The following PES1 variants were observed in gnomAD, a reference collection of about 807,000 sequenced individuals.
PES1 encodes pescadillo ribosomal biogenesis factor 1.
In PES1, 31 loss-of-function variants were observed where a neutral mutation model predicts 77.1. The observed-to-expected ratio is 0.40, with a 90% CI of 0.30 to 0.54. PES1 has a LOEUF of 0.54. Ranked by LOEUF, PES1 falls within the 20% of genes least tolerant of loss-of-function variation. The pLI, the probability that PES1 is intolerant of heterozygous loss-of-function variation, is 0.45. For missense variants in PES1, 658 were observed against 771.7 expected (o/e 0.85, Z 1.75); for synonymous variants, 282 against 303.0 (o/e 0.93, Z 0.72).
At chr22:30,598,160 ACTTTT>A (rs1361449992) in intron 2 of PES1, 2 of 152,060 alleles carry the variant, frequency 1.3e-5, no homozygotes, top group Admixed American at 1.3e-4. Flanking sequence ...ACTGCTGCTC[ACTTTT>A]TGGGTGTACA....
chr22:30,577,217 C>A, intron 14 of PES1, 88 bp from the exon 15 acceptor site: 1 of 1,124,818 alleles, frequency 8.9e-7, no homozygotes, highest in Non-Finnish European at 1.3e-6. Context: ...CCCTTAAAAG[C>A]AGAGCTTCAA....
In PES1 at chr22:30,588,141, A is replaced by T; in HGVS notation, c.138T>A (p.His46Gln). ...RLCILKGIYP[H>Q]EPKHKKKVNK... is the part of the protein sequence containing the mutation. ...TAACCTTCTTCTTGTGTTTGGGTTC[A>T]TGGGGATAAATGCCCTTCAGAATGC... Residue 46 changes from histidine to glutamine, a missense_variant, in exon 3 of 15, where the codon CAT becomes CAA. Coordinates refer to ENST00000354694, the MANE Select transcript of PES1 (RefSeq NM_014303.4). 6.2e-7 allele frequency: 1 copy of T among 1,614,202 alleles called. No homozygotes were observed. The highest frequency in any genetic ancestry group is 1.1e-5 in the South Asian group (1 of 91,086).
At chr22:30,597,289 T>G (rs2146490114) in intron 2 of PES1, among the ~76,000 whole-genome samples, 1 of 152,038 alleles carries the variant, frequency 6.6e-6, no homozygotes, top group South Asian at 2.1e-4. Context: ...CCACCTGTCC[T>G]GCCAGTATGA....
At chr22:30,600,628 AAC>A (rs2087340416) in intron 2 of PES1, among the ~76,000 whole-genome samples, 1 of 152,146 alleles carries the variant, frequency 6.6e-6, no homozygotes, top group Admixed American at 6.6e-5. Context: ...CATCCTGGCT[AAC>A]ACGGTGAAAC....
At chr22:30,597,716 C>T (rs1054390744) in intron 2 of PES1, among the ~76,000 whole-genome samples, 1 of 151,682 alleles carries the variant, frequency 6.6e-6, no homozygotes, top group African/African-American at 2.4e-5. Flanking sequence ...CAATCAGCAC[C>T]CTGTCAAAAC....
At chr22:30,603,493 C>T (rs1000738285) in intron 2 of PES1, among the ~76,000 whole-genome samples, 2 of 151,734 alleles carry the variant, frequency 1.3e-5, no homozygotes, top group Admixed American at 6.6e-5. Flanking sequence ...GCAATTCTCC[C>T]GCCTCAACCT....
chr22:30,587,357 G>T lies in PES1; in HGVS notation c.297C>A (p.Ser99Arg). 2 of 1,613,984 alleles carry T rather than the reference G, an allele frequency of 1.2e-6. No individual in the cohort carries two copies. The highest frequency in any genetic ancestry group is 1.7e-6 in the Non-Finnish European group (2 of 1,179,926). The change falls in exon 4 of 15, where the codon AGC (serine) becomes AGA (arginine). Residue 99 changes from serine (S) to arginine (R), a missense_variant. Coordinates refer to ENST00000354694, the MANE Select transcript of PES1 (RefSeq NM_014303.4). ...TTAAACGCTCTACAGTGTTCCACTC[G>T]CTCTTCCCATAAGCCTTCCGGAGCT... ...VRKLRKAYGKSEWNTVERLKD... is the reference protein window; with the variant it reads ...VRKLRKAYGKREWNTVERLKD...
At chr22:30,605,626 G>T in intron 1 of PES1, 1 of 242,642 alleles carries the variant, frequency 4.1e-6, no homozygotes, top group Non-Finnish European at 6.6e-6. Flanking sequence ...ACTTCACCAT[G>T]ACTCCCCTGA....
At chr22:30,599,474 A>AC (rs2087320879) in intron 2 of PES1, among the ~76,000 whole-genome samples, 5 of 152,236 alleles carry the variant, frequency 3.3e-5, no homozygotes, top group African/African-American at 1.2e-4. Context: ...AAATCTTCCG[A>AC]GTTATCAACA....
intron 2 of PES1, among the ~76,000 whole-genome samples, chr22:30,601,005 C>G (rs73881486): frequency 0.08 from 12,227 of 152,270 alleles, 560 homozygotes; most frequent in South Asian, 0.12. Context: ...TTGTAGCTGC[C>G]TCAAGGCAGT....
At chr22:30,601,327 T>C (rs1245290938) in intron 2 of PES1, among the ~76,000 whole-genome samples, 1 of 152,180 alleles carries the variant, frequency 6.6e-6, no homozygotes, top group African/African-American at 2.4e-5. Context: ...TAATTTTTTT[T>C]TTTTTAAGAT....
At chr22:30,597,247 C>T (rs756283863) in intron 2 of PES1, among the ~76,000 whole-genome samples, 2 of 151,890 alleles carry the variant, frequency 1.3e-5, no homozygotes, top group Non-Finnish European at 2.9e-5. Context: ...CTGAGGAGTG[C>T]GGGAGCATGA....
chr22:30,594,737 G>T (rs2087231004), upstream of PES1, among the ~76,000 whole-genome samples: 1 of 151,836 alleles, frequency 6.6e-6, no homozygotes, highest in South Asian at 2.1e-4. Context: ...CAGAAGCTGA[G>T]TGGGGAGGAT....
intron 4 of PES1, among the ~76,000 whole-genome samples, chr22:30,585,719 G>C (rs952845047): frequency 6.8e-6 from 1 of 147,700 alleles, no homozygotes; most frequent in South Asian, 2.2e-4. Context: ...TGGGGGGAGT[G>C]GGGGCAGGGG....
rs2087037123 is a variant in PES1 at position 30,584,395 on chromosome 22, C to T, written c.600G>A (p.Val200=). Residue 200 remains valine, a synonymous_variant, in exon 6 of 15, where the codon GTG becomes GTA. Coordinates refer to ENST00000354694, the MANE Select transcript of PES1 (RefSeq NM_014303.4). ...YQAEVLGQPI[V]WITPYAFSHD... Reference sequence around the variant, plus strand: ...GGGAGAAGGCATAGGGAGTGATCCACACGATGGGCTGCCCCAGTACCTCGG... The same window carrying T: ...GGGAGAAGGCATAGGGAGTGATCCATACGATGGGCTGCCCCAGTACCTCGG... The T allele has an allele frequency of 1.2e-6, 2 of 1,612,210 alleles. No homozygotes were observed. The highest frequency in any genetic ancestry group is 1.7e-5 in the Admixed American group (1 of 59,812).
chr22:30,599,184 A>T (rs923846674), intron 2 of PES1, among the ~76,000 whole-genome samples: 2 of 152,150 alleles, frequency 1.3e-5, no homozygotes, highest in African/African-American at 4.8e-5. Context: ...GGCATGAGTC[A>T]CAGCGTCTGG....
intron 6 of PES1, among the ~76,000 whole-genome samples, chr22:30,583,458 T>C (rs1232653349): frequency 6.6e-6 from 1 of 152,206 alleles, no homozygotes; most frequent in Admixed American, 6.5e-5. Context: ...TGCTCTCCGC[T>C]GAAGGCACCA....
At chr22:30,595,538 CAAA>C (rs377364940), upstream of PES1, among the ~76,000 whole-genome samples, 34 of 80,672 alleles carry the variant, frequency 4.2e-4, no homozygotes, top group South Asian at 3.0e-3. Flanking sequence ...GACAGTGTCT[CAAA>C]AAAAAAAAAA....
chr22:30,585,309 G>A (rs766723485), intron 4 of PES1: 2 of 471,548 alleles, frequency 4.2e-6, no homozygotes, highest in South Asian at 1.5e-5. Flanking sequence ...GTGTTTCGGG[G>A]AATCCTCTGG....
Sources: gnomAD v4.1 joint callset for allele counts (sites outside exome capture counted in the v4.1 genomes callset) on GRCh38, gnomAD v4.1.1 for gene constraint, MANE v1.5 for transcripts, NCBI Gene and HGNC (gene_info 2026-07-23, HGNC 2026-07-21) for gene names.